The following GNB1 variants were observed in gnomAD, a reference collection of about 807,000 sequenced individuals.
The protein encoded by GNB1 is guanine nucleotide-binding protein G(I)/G(S)/G(T) subunit beta-1.
In GNB1, 2 loss-of-function variants were observed where a neutral mutation model predicts 42.9. The ratio of observed to expected loss-of-function variants is 0.05; its 90% CI spans 0.02 to 0.15. The LOEUF (loss-of-function observed/expected upper bound fraction) is 0.15. GNB1 is among the 10% of genes least tolerant of loss of function. The pLI, the probability that GNB1 is intolerant of heterozygous loss-of-function variation, is 1.00. For synonymous variants in GNB1, 183 were observed against 174.7 expected (o/e 1.05, Z -0.38); for missense variants, 193 against 462.2 (o/e 0.42, Z 5.34).
At chr1:1,820,993 T>C (rs1411347265) in intron 3 of GNB1, among the ~76,000 whole-genome samples, 2 of 152,236 alleles carry the variant, frequency 1.3e-5, no homozygotes, top group African/African-American at 4.8e-5. Context: ...TCAGATTAAT[T>C]TCCAGTTTAA....
intron 2 of GNB1, among the ~76,000 whole-genome samples, chr1:1,836,840 C>T (rs1432481110): frequency 6.6e-6 from 1 of 150,792 alleles, no homozygotes; most frequent in Non-Finnish European, 1.5e-5. Flanking sequence ...TGTGAGCCAC[C>T]GTGCCCGACT....
At chr1:1,827,373 T>C (rs916421236) in intron 2 of GNB1, among the ~76,000 whole-genome samples, 3 of 152,214 alleles carry the variant, frequency 2.0e-5, no homozygotes, top group Non-Finnish European at 4.4e-5. Context: ...GAAAGATTTC[T>C]GACCAAATAG....
In GNB1 at chr1:1,889,899, G is replaced by A. The variant is rs1324128280; in HGVS notation, c.-96+921C>T. Among the ~76,000 whole-genome samples the A allele has an allele frequency of 1.5e-4, 18 of 116,300 alleles. No individual in the cohort carries two copies. The Admixed American group carries it at 1.9e-3, about 12-fold the overall frequency. The allele number at this position is 116,300 out of a possible 152,430, so 76.3% of individuals were successfully genotyped here. On this transcript the variant is annotated intron_variant, in intron 1 of 11. Transcript: ENST00000378609. Reference sequence around the variant, plus strand: ...CCCCACCCCCACCCCGCTTCCAGCCGAAAAGCCGATCCAGGCAAGAGGAAG... The same window carrying A: ...CCCCACCCCCACCCCGCTTCCAGCCAAAAAGCCGATCCAGGCAAGAGGAAG...
chr1:1,859,104 C>A (rs554703621), intron 1 of GNB1, among the ~76,000 whole-genome samples: 95 of 151,900 alleles, frequency 6.3e-4, no homozygotes, highest in African/African-American at 2.1e-3. Flanking sequence ...TCACTGCAAC[C>A]TCCACCTCTC....
chr1:1,840,631 G>A (rs1445848427), intron 1 of GNB1, among the ~76,000 whole-genome samples: 1 of 152,250 alleles, frequency 6.6e-6, no homozygotes, highest in Non-Finnish European at 1.5e-5. Context: ...TGACAGTGGA[G>A]AGCATTTCAT....
chr1:1,879,248 C>T (rs1649709019), intron 1 of GNB1, among the ~76,000 whole-genome samples: 1 of 152,164 alleles, frequency 6.6e-6, no homozygotes, highest in Admixed American at 6.5e-5. Flanking sequence ...GCTCAGACCC[C>T]CTCTACATCC....
intron 1 of GNB1, among the ~76,000 whole-genome samples, chr1:1,843,081 C>G (rs1647402965): frequency 6.6e-6 from 1 of 152,172 alleles, no homozygotes; most frequent in African/African-American, 2.4e-5. Context: ...GCAATACTGA[C>G]CCCAGTTGAG....
chr1:1,867,057 A>T (rs1466717830), intron 1 of GNB1, among the ~76,000 whole-genome samples: 2 of 152,164 alleles, frequency 1.3e-5, no homozygotes, highest in Admixed American at 1.3e-4. Context: ...GCCTGAGGTC[A>T]GGAGTTCGAG....
chr1:1,840,210 A>G (rs1647207979), intron 1 of GNB1, among the ~76,000 whole-genome samples: 1 of 150,126 alleles, frequency 6.7e-6, no homozygotes, highest in African/African-American at 2.5e-5. Flanking sequence ...CCTGGGTGAT[A>G]GAGCAAGACA....
intron 5 of GNB1, among the ~76,000 whole-genome samples, chr1:1,807,747 G>A (rs1646721826): frequency 6.6e-6 from 1 of 151,490 alleles, no homozygotes; most frequent in Non-Finnish European, 1.5e-5. Context: ...TCGCTCCGTG[G>A]CCCAGGCTGC....
chr1:1,862,254 G>A (rs1463853432), intron 1 of GNB1, among the ~76,000 whole-genome samples: 1 of 152,144 alleles, frequency 6.6e-6, no homozygotes, highest in African/African-American at 2.4e-5. Context: ...GTATATGTTA[G>A]CAGAGCAACG....
intron 1 of GNB1, among the ~76,000 whole-genome samples, chr1:1,856,078 A>C (rs1648280682): frequency 6.6e-6 from 1 of 152,262 alleles, no homozygotes; most frequent in African/African-American, 2.4e-5. Flanking sequence ...GCTAGAGTGC[A>C]GTGGCACCAT....
At chr1:1,864,399 G>A (rs1301733981) in intron 1 of GNB1, among the ~76,000 whole-genome samples, 7 of 150,740 alleles carry the variant, frequency 4.6e-5, no homozygotes, top group South Asian at 4.2e-4. Flanking sequence ...TGGCTGTAGC[G>A]TGGCAACTTC....
chr1:1,829,273 A>G (rs1279027743), intron 2 of GNB1, among the ~76,000 whole-genome samples: 1 of 152,108 alleles, frequency 6.6e-6, no homozygotes, highest in African/African-American at 2.4e-5. Flanking sequence ...GCCAGGCTGT[A>G]AGGAACTCCT....
rs59787372 is a variant in GNB1 at position 1,815,879 on chromosome 1, T to C, written c.97-17A>G. 1,565 of 1,423,718 alleles carry C rather than the reference T, an allele frequency of 1.1e-3. 30 individuals are homozygous for C. In the East Asian group the frequency reaches 0.03, roughly 27 times the overall value. 88.2% of individuals were successfully genotyped at this position (1,423,718 alleles called of 1,614,324 possible). On this transcript the variant is annotated splice_polypyrimidine_tract_variant and intron_variant, in intron 4 of 11. Transcript: ENST00000378609. ...GTTTGTGATCTTGAAAATAAAAACA[T>C]TTCTGTAAATCAACATCTGTGATTA... is the stretch of plus-strand genomic sequence containing the variant.
intron 8 of GNB1, among the ~76,000 whole-genome samples, chr1:1,793,032 C>G (rs1471966284): frequency 6.6e-6 from 1 of 151,648 alleles, no homozygotes; most frequent in Non-Finnish European, 1.5e-5. Context: ...CCATTGTACT[C>G]CAGCCTGGGT....
At chr1:1,834,254 A>T (rs1647115065) in intron 2 of GNB1, among the ~76,000 whole-genome samples, 1 of 152,122 alleles carries the variant, frequency 6.6e-6, no homozygotes, top group Non-Finnish European at 1.5e-5. Flanking sequence ...CCAGTGAGGC[A>T]CAGCTGCTAA....
In GNB1 at chr1:1,793,247, C is replaced by G; in HGVS notation, c.495G>C (p.Thr165=). 6.2e-7 allele frequency: 1 copy of G among 1,609,834 alleles called. No homozygotes were observed. The highest frequency in any genetic ancestry group is 8.5e-7 in the Non-Finnish European group (1 of 1,176,640). ...NQIVTSSGDT[T]CALWDIETGQ... ...CCTGCCCCGGGTCAGGTACTTACCA[C>G]GTGGTGTCTCCAGAGCTGGTGACGA... The change falls in exon 8 of 12, where the codon ACG becomes ACC. Residue 165 remains threonine (T), a splice_region_variant and synonymous_variant. Transcript: ENST00000378609.
intron 1 of GNB1, among the ~76,000 whole-genome samples, chr1:1,862,186 C>A (rs1648668331): frequency 6.6e-6 from 1 of 152,168 alleles, no homozygotes; most frequent in Non-Finnish European, 1.5e-5. Context: ...TGCGCCACTG[C>A]ACTCCGCCTG....
Sources: gnomAD v4.1 joint callset for allele counts (sites outside exome capture counted in the v4.1 genomes callset) on GRCh38, gnomAD v4.1.1 for gene constraint, MANE v1.5 for transcripts, NCBI Gene and HGNC (gene_info 2026-07-23, HGNC 2026-07-21) for gene names.